The following DMD variants were observed in gnomAD, a reference collection of about 807,000 sequenced individuals.
The protein encoded by DMD is mutant dystrophin.
DMD carries 63 observed loss-of-function variants against 330.1 expected under a neutral mutation model. That is an observed-to-expected ratio of 0.19 (90% CI 0.16 to 0.24). DMD has a LOEUF of 0.24. DMD is among the 10% of genes least tolerant of loss of function. The pLI, the probability that DMD is intolerant of heterozygous loss-of-function variation, is 1.00. For missense variants in DMD, 3,344 were observed against 2,684.1 expected (o/e 1.25, Z -5.43); for synonymous variants, 1,223 against 959.8 (o/e 1.27, Z -5.07).
At chrX:32,807,122 TA>T (rs999286386) in intron 7 of DMD, among the ~76,000 whole-genome samples, 1,365 of 20,705 alleles carry the variant, frequency 0.066, 40 homozygotes, top group African/African-American at 0.18. Context: ...CGGAAACATT[TA>T]AAAAAAAAAA....
chrX:32,441,287 A>T lies in DMD; in HGVS notation c.3814T>A (p.Leu1272Met). 1 of 1,208,963 alleles carries T rather than the reference A, an allele frequency of 8.3e-7. No homozygotes were observed. The highest frequency in any genetic ancestry group is 1.1e-6 in the Non-Finnish European group (1 of 893,074). The change falls in exon 28 of 79, where the codon TTG becomes ATG. Residue 1272 changes from leucine (L) to methionine (M), a missense_variant. Coordinates refer to ENST00000357033, the MANE Select transcript of DMD (RefSeq NM_004006.3). ...TTGTTTGCTTTCTCCAAGTATGACAATAACTCATGCCAACATGCCCAAACT... is the reference window on the plus strand; with the variant it reads ...TTGTTTGCTTTCTCCAAGTATGACATTAACTCATGCCAACATGCCCAAACT... ...EEVWACWHEL[L>M]SYLEKANKWL...
At chrX:32,053,156 G>A (rs1030115051) in intron 44 of DMD, among the ~76,000 whole-genome samples, 3 of 111,341 alleles carry the variant, frequency 2.7e-5, no homozygotes, top group East Asian at 2.8e-4. Context: ...GTTAGGTCAC[G>A]CATTCATGGA....
At chrX:31,210,814 T>A (rs910147819) in intron 64 of DMD, among the ~76,000 whole-genome samples, 1 of 112,788 alleles carries the variant, frequency 8.9e-6, no homozygotes, top group African/African-American at 3.2e-5. Context: ...TCATGGCCAG[T>A]TCTAATTAAA....
At chrX:32,149,178 G>A (rs1324658631) in intron 44 of DMD, among the ~76,000 whole-genome samples, 4 of 111,375 alleles carry the variant, frequency 3.6e-5, no homozygotes, top group Admixed American at 2.9e-4. Flanking sequence ...AGGTTTTCTC[G>A]TGACGAGCCA....
chrX:31,544,067 G>T (rs1277619285), intron 55 of DMD, among the ~76,000 whole-genome samples: 2 of 111,342 alleles, frequency 1.8e-5, no homozygotes, highest in Non-Finnish European at 1.9e-5. Flanking sequence ...GGCTGGGTGC[G>T]GTGGCTCAGC....
intron 55 of DMD, among the ~76,000 whole-genome samples, chrX:31,622,877 T>TATATATATATACAC (rs1361969125): frequency 1.0e-4 from 7 of 70,323 alleles, no homozygotes; most frequent in African/African-American, 3.2e-4. Flanking sequence ...TATATATATA[T>TATATATATATACAC]ACACACACAC....
At chrX:31,670,640 T>C (rs1334526698) in intron 53 of DMD, among the ~76,000 whole-genome samples, 1 of 111,843 alleles carries the variant, frequency 8.9e-6, no homozygotes, top group Non-Finnish European at 1.9e-5. Flanking sequence ...CTTCTAATGA[T>C]GGCCGTTAAT....
At chrX:32,140,468 A>T (rs1263073251) in intron 44 of DMD, among the ~76,000 whole-genome samples, 1 of 112,456 alleles carries the variant, frequency 8.9e-6, no homozygotes, top group Non-Finnish European at 1.9e-5. Context: ...TCAGTTATCC[A>T]AAGGCATTAA....
At chrX:31,178,270 A>G in intron 70 of DMD, 1 of 751,688 alleles carries the variant, frequency 1.3e-6, no homozygotes, top group Non-Finnish European at 1.6e-6. Context: ...TTGAGTAGAA[A>G]CAAGTGACTA....
chrX:32,020,579 A>C (rs751631667), intron 44 of DMD, among the ~76,000 whole-genome samples: 1 of 111,776 alleles, frequency 8.9e-6, no homozygotes, highest in African/African-American at 3.2e-5. Context: ...ATGCACATAC[A>C]CAGAGGAAAG....
intron 1 of DMD, among the ~76,000 whole-genome samples, chrX:33,120,653 G>A (rs2095417508): frequency 9.0e-6 from 1 of 110,788 alleles, no homozygotes; most frequent in Non-Finnish European, 1.9e-5. Flanking sequence ...GGCCGAGGCA[G>A]GCGGATCACC....
rs770375159 is a variant in DMD at position 32,870,980 on chromosome X, A to AAAAAAAAAAAAAAAAAG, written c.94-21161_94-21160insCTTTTTTTTTTTTTTTT. Among the ~76,000 whole-genome samples, 88 of 37,225 alleles carry AAAAAAAAAAAAAAAAAG rather than the reference A, an allele frequency of 2.4e-3. 2 individuals carry two copies. The highest frequency in any genetic ancestry group is 2.7e-3 in the Non-Finnish European group (51 of 18,736). The allele number at this position is 37,225 out of a possible 115,157, so 32.3% of individuals were successfully genotyped here. Reference sequence around the variant, plus strand: ...CAGCAAAAAAAAAAAAAAAAAAAAAAAAAAAAAACCACAAAACCCATCATC... The same window carrying AAAAAAAAAAAAAAAAAG: ...CAGCAAAAAAAAAAAAAAAAAAAAAAAAAAAAAAAAAAAAAAGAAAAAAAACCACAAAACCCATCATC... On this transcript the variant is annotated intron_variant, in intron 2 of 78. Transcript: ENST00000357033.
chrX:31,270,223 T>C (rs4829102), intron 62 of DMD, among the ~76,000 whole-genome samples: 23,179 of 108,001 alleles, frequency 0.21, 2,142 homozygotes, highest in Non-Finnish European at 0.27. Flanking sequence ...CCTAGAGCCT[T>C]GTAAATAGCC....
At chrX:31,578,963 A>G (rs1038222870) in intron 55 of DMD, among the ~76,000 whole-genome samples, 2 of 112,245 alleles carry the variant, frequency 1.8e-5, no homozygotes, top group African/African-American at 6.5e-5. Flanking sequence ...TGGGTATGCT[A>G]AGGCACATGC....
At chrX:32,518,980 T>G (rs1329060061) in intron 17 of DMD, among the ~76,000 whole-genome samples, 3 of 102,845 alleles carry the variant, frequency 2.9e-5, no homozygotes, top group African/African-American at 1.1e-4. Context: ...AGATCACCTA[T>G]CCTGTTATTT....
At chrX:31,724,866 T>TGGCTAA (rs926355013) in intron 52 of DMD, among the ~76,000 whole-genome samples, 2 of 112,172 alleles carry the variant, frequency 1.8e-5, no homozygotes, top group African/African-American at 6.5e-5. Flanking sequence ...AGAATTAACT[T>TGGCTAA]GGCTAAGGTT....
At chrX:32,491,996 GA>G (rs200698384) in intron 19 of DMD, among the ~76,000 whole-genome samples, 16 of 110,708 alleles carry the variant, frequency 1.4e-4, no homozygotes, top group East Asian at 5.7e-4. Context: ...TTAAAAAGAG[GA>G]AAAAAAATCC....
intron 48 of DMD, among the ~76,000 whole-genome samples, chrX:31,868,316 A>T (rs904036415): frequency 1.8e-5 from 2 of 112,099 alleles, no homozygotes; most frequent in Non-Finnish European, 1.9e-5. Flanking sequence ...TTTTTCTCTT[A>T]AGTTATCTAT....
At chrX:32,462,069 C>A (rs778420682) in intron 25 of DMD, among the ~76,000 whole-genome samples, 2 of 110,746 alleles carry the variant, frequency 1.8e-5, no homozygotes, top group Admixed American at 9.7e-5. Context: ...GCCTCTAACA[C>A]GTAAATTGAA....
Sources: gnomAD v4.1 joint callset for allele counts (sites outside exome capture counted in the v4.1 genomes callset) on GRCh38, gnomAD v4.1.1 for gene constraint, MANE v1.5 for transcripts, NCBI Gene and HGNC (gene_info 2026-07-23, HGNC 2026-07-21) for gene names.